The following ANKS1B variants were observed in gnomAD, a reference collection of about 807,000 sequenced individuals.
The protein encoded by ANKS1B is ankyrin repeat and sterile alpha motif domain-containing protein 1B.
In ANKS1B, 36 loss-of-function variants were observed where a neutral mutation model predicts 148.3. The observed-to-expected ratio is 0.24, with a 90% CI of 0.19 to 0.32. The LOEUF is 0.32. ANKS1B is among the 10% of genes least tolerant of loss of function. The pLI, the probability that ANKS1B is intolerant of heterozygous loss-of-function variation, is 1.00. For missense variants in ANKS1B, 1,157 were observed against 1,542.6 expected (o/e 0.75, Z 4.19); for synonymous variants, 542 against 560.8 (o/e 0.97, Z 0.47).
At chr12:98,854,954 T>C (rs1199027792) in intron 17 of ANKS1B, among the ~76,000 whole-genome samples, 1 of 151,550 alleles carries the variant, frequency 6.6e-6, no homozygotes, top group Non-Finnish European at 1.5e-5. Flanking sequence ...GGTCAGGAGA[T>C]CGAGACCATC....
intron 8 of ANKS1B, among the ~76,000 whole-genome samples, chr12:99,729,131 C>T (rs2058894841): frequency 6.6e-6 from 1 of 152,162 alleles, no homozygotes; most frequent in South Asian, 2.1e-4. Flanking sequence ...ATATGAACAT[C>T]TCTGACATGA....
At chr12:99,200,094 A>G (rs1254219316) in intron 14 of ANKS1B, among the ~76,000 whole-genome samples, 1 of 152,234 alleles carries the variant, frequency 6.6e-6, no homozygotes, top group Non-Finnish European at 1.5e-5. Flanking sequence ...TGCTCTTAAG[A>G]AGATGAATTA....
downstream of ANKS1B, among the ~76,000 whole-genome samples, chr12:98,743,635 T>C (rs561037992): frequency 1.1e-4 from 16 of 152,346 alleles, no homozygotes; most frequent in South Asian, 1.2e-3. Context: ...CTGATGACCA[T>C]GTAGATAATG....
At chr12:98,821,794 G>T (rs2099195252) in intron 19 of ANKS1B, among the ~76,000 whole-genome samples, 1 of 151,980 alleles carries the variant, frequency 6.6e-6, no homozygotes, top group South Asian at 2.1e-4. Context: ...TTTTAGCAGA[G>T]ATGGGGTTTT....
chr12:99,103,730 T>C (rs1326047813), intron 15 of ANKS1B, among the ~76,000 whole-genome samples: 2 of 152,166 alleles, frequency 1.3e-5, no homozygotes, highest in African/African-American at 4.8e-5. Flanking sequence ...AGTAAATGTT[T>C]TTTGCACCTG....
At chr12:99,471,458 G>A (rs1595476831) in intron 10 of ANKS1B, among the ~76,000 whole-genome samples, 1 of 151,826 alleles carries the variant, frequency 6.6e-6, no homozygotes, top group Non-Finnish European at 1.5e-5. Context: ...ACATCTTAAG[G>A]GACCTCTTTC....
chr12:99,080,497 G>A (rs2049321860), intron 16 of ANKS1B, among the ~76,000 whole-genome samples: 2 of 152,260 alleles, frequency 1.3e-5, no homozygotes, highest in South Asian at 4.1e-4. Context: ...GAAAAACAGC[G>A]TGAGCATACA....
intron 17 of ANKS1B, among the ~76,000 whole-genome samples, chr12:98,885,020 T>A (rs201228117): frequency 6.6e-6 from 1 of 152,152 alleles, no homozygotes; most frequent in Non-Finnish European, 1.5e-5. Context: ...ATCCACTCAG[T>A]TGCACAGGCC....
rs140880312 is a variant in ANKS1B at position 99,193,162 on chromosome 12, A to G, written c.2420-38767T>C. Among the ~76,000 whole-genome samples, 831 of 152,328 alleles carry G rather than the reference A, an allele frequency of 5.5e-3. 15 individuals carry two copies. The highest frequency in any genetic ancestry group is 0.049 in the South Asian group (234 of 4,824). On this transcript the variant is annotated intron_variant, in intron 14 of 26. Coordinates refer to ENST00000683438, the MANE Select transcript of ANKS1B (RefSeq NM_001352186.2). ...CCTTTAATATGCTTATTCCTTGTAC[A>G]TAACAGCTATAGCTACTGTTGGGCT... is the stretch of plus-strand genomic sequence containing the variant.
intron 12 of ANKS1B, among the ~76,000 whole-genome samples, chr12:99,370,036 C>T (rs1024197135): frequency 2.0e-5 from 3 of 151,922 alleles, no homozygotes; most frequent in Admixed American, 6.6e-5. Context: ...GGATGAGATA[C>T]GATAGAACAT....
chr12:99,523,161 A>G (rs576549892), intron 9 of ANKS1B, among the ~76,000 whole-genome samples: 1 of 152,308 alleles, frequency 6.6e-6, no homozygotes, highest in East Asian at 1.9e-4. Flanking sequence ...AATTGACACT[A>G]CAGGGGAATC....
intron 8 of ANKS1B, among the ~76,000 whole-genome samples, chr12:99,749,364 G>A (rs932751925): frequency 1.3e-5 from 2 of 152,026 alleles, no homozygotes; most frequent in African/African-American, 4.8e-5. Context: ...GCCACCATAT[G>A]GGAAAAGCTG....
chr12:98,975,689 C>T (rs1597877212), intron 17 of ANKS1B, among the ~76,000 whole-genome samples: 1 of 152,034 alleles, frequency 6.6e-6, no homozygotes, highest in African/African-American at 2.4e-5. Flanking sequence ...ACAGGTGCCT[C>T]TCTGAGGAGC....
chr12:99,689,910 A>G (rs1430647926), intron 8 of ANKS1B, among the ~76,000 whole-genome samples: 1 of 152,156 alleles, frequency 6.6e-6, no homozygotes, highest in African/African-American at 2.4e-5. Flanking sequence ...TGTACAGAGG[A>G]CCTGTTATTA....
intron 24 of ANKS1B, among the ~76,000 whole-genome samples, chr12:98,774,996 A>G (rs541206706): frequency 4.2e-4 from 64 of 152,298 alleles, no homozygotes; most frequent in African/African-American, 1.5e-3. Context: ...GTAGAAAACC[A>G]AATTAGGGAT....
At chr12:99,750,456 A>T (rs902258290) in intron 8 of ANKS1B, among the ~76,000 whole-genome samples, 1 of 152,146 alleles carries the variant, frequency 6.6e-6, no homozygotes, top group African/African-American at 2.4e-5. Context: ...AATGAGAACT[A>T]CAAAAATCAA....
chr12:98,884,395 T>A (rs2099730533), intron 17 of ANKS1B, among the ~76,000 whole-genome samples: 1 of 152,192 alleles, frequency 6.6e-6, no homozygotes, highest in Admixed American at 6.5e-5. Context: ...GCCTAAAGAG[T>A]TCATACATAT....
chr12:99,442,735 T>C (rs780795180), intron 11 of ANKS1B, among the ~76,000 whole-genome samples: 46 of 151,974 alleles, frequency 3.0e-4, no homozygotes, highest in African/African-American at 1.1e-3. Flanking sequence ...AAATAACTTA[T>C]GTTAAACAAG....
At chr12:98,764,388 G>A (rs2098453286) in intron 25 of ANKS1B, among the ~76,000 whole-genome samples, 1 of 152,116 alleles carries the variant, frequency 6.6e-6, no homozygotes, top group African/African-American at 2.4e-5. Flanking sequence ...CACCGTGCCT[G>A]GCTAATTTTT....
Sources: allele counts gnomAD v4.1 joint callset (sites outside exome capture counted in the v4.1 genomes callset), GRCh38; gene constraint gnomAD v4.1.1; transcripts MANE v1.5; gene names NCBI Gene and HGNC (gene_info 2026-07-23, HGNC 2026-07-21).